ARNT: variants seen among roughly 807,000 people sequenced by gnomAD.
The protein encoded by ARNT is class E basic helix-loop-helix protein 2.
A neutral mutation model predicts 105.0 loss-of-function variants in ARNT; 30 were observed. The ratio of observed to expected loss-of-function variants is 0.29; its 90% CI spans 0.21 to 0.39. ARNT has a LOEUF of 0.39. Among genes scored for constraint, ARNT ranks in the 10% least tolerant of loss-of-function variants. The pLI is 1.00. For synonymous variants in ARNT, 304 were observed against 344.0 expected (o/e 0.88, Z 1.29); for missense variants, 748 against 978.7 (o/e 0.76, Z 3.15).
chr1:150,832,697 G>T (rs1190911311), intron 8 of ARNT, among the ~76,000 whole-genome samples: 1 of 152,268 alleles, frequency 6.6e-6, no homozygotes, highest in Admixed American at 6.5e-5. Context: ...AAAGTCTGTT[G>T]CAACTAGTCA....
intron 3 of ARNT, among the ~76,000 whole-genome samples, chr1:150,851,125 C>T (rs888772750): frequency 6.6e-6 from 1 of 151,456 alleles, no homozygotes; most frequent in African/African-American, 2.4e-5. Context: ...GCATCTCCGC[C>T]CGGCAGCCGC....
At position 150,829,213 on chromosome 1, in the gene ARNT, G is replaced by T; in HGVS notation, c.1047C>A (p.Pro349=). The T allele has an allele frequency of 6.2e-7, 1 of 1,613,674 alleles. No individual in the cohort carries two copies. The stretch of plus-strand genomic sequence containing the variant: ...AAACATTACTCATGTCTGTACAGTT[G>T]GGAGAACTAGTTACCTGAGAGTGAA... ...AIGRLQVTSS[P]NCTDMSNVCQ... is the part of the protein sequence containing the mutation. The change falls in exon 12 of 22, where the codon CCC becomes CCA. Residue 349 remains proline (P), a synonymous_variant. Coordinates refer to ENST00000358595, the MANE Select transcript of ARNT (RefSeq NM_001668.4).
In ARNT at chr1:150,821,434, C is replaced by T. The variant is rs1657037604; in HGVS notation, c.1394+1760G>A. 7.2e-5 allele frequency among the ~76,000 whole-genome samples: 11 copies of T among 152,216 alleles called. No homozygotes were observed. In the South Asian group the frequency reaches 1.9e-3, roughly 26 times the overall value. On this transcript the variant is annotated intron_variant, in intron 14 of 21. Coordinates refer to ENST00000358595, the MANE Select transcript of ARNT (RefSeq NM_001668.4). ...ATGCAATTTACTGGAGTGAATTGCTCATGAAGAGATGATTAGCATCACACA... is the reference window on the plus strand; with the variant it reads ...ATGCAATTTACTGGAGTGAATTGCTTATGAAGAGATGATTAGCATCACACA...
chr1:150,876,522 C>T (rs1349673006), intron 1 of ARNT, 21 bp downstream of exon 1: 5 of 1,550,828 alleles, frequency 3.2e-6, no homozygotes, highest in Non-Finnish European at 4.4e-6. Context: ...TTAGAGGCGC[C>T]CCAGTCCTCC....
chr1:150,834,758 A>AT (rs1659992510), intron 7 of ARNT, 118 bp from the exon 8 acceptor site: 2 of 798,758 alleles, frequency 2.5e-6, no homozygotes, highest in East Asian at 5.1e-5. Flanking sequence ...CTCCTTGCTT[A>AT]TAACAGAACT....
At chr1:150,860,377 G>A (rs1482703960) in intron 1 of ARNT, among the ~76,000 whole-genome samples, 2 of 151,064 alleles carry the variant, frequency 1.3e-5, no homozygotes, top group East Asian at 2.0e-4. Context: ...CACCACGCCT[G>A]GCTAATTTTT....
In ARNT at chr1:150,814,199, T is replaced by C; in HGVS notation, c.1991A>G (p.Gln664Arg). The change falls in exon 20 of 22, where the codon CAG (glutamine) becomes CGG (arginine). Residue 664 changes from glutamine to arginine, a missense_variant. Physicochemically the swap from Gln to Arg is conservative, Grantham distance 43. Transcript: ENST00000358595. ...AGTCTGAAAGCTGCCCACACCAAAC[T>C]GGGAAGTACGAGTCTTAGCAGTAGC... ...TQATAKTRTS[Q>R]FGVGSFQTPS... The C allele has an allele frequency of 3.1e-6, 5 of 1,613,988 alleles. No homozygotes were observed. The highest frequency in any genetic ancestry group is 4.2e-6 in the Non-Finnish European group (5 of 1,179,996).
At chr1:150,845,766 G>A (rs1284404118) in intron 4 of ARNT, among the ~76,000 whole-genome samples, 1 of 152,112 alleles carries the variant, frequency 6.6e-6, no homozygotes, top group African/African-American at 2.4e-5. Context: ...GCTGGGCGTG[G>A]TGGCAGGGGC....
chr1:150,842,561 G>T, intron 4 of ARNT, 93 bp from the exon 5 acceptor site: 1 of 1,008,440 alleles, frequency 9.9e-7, no homozygotes, highest in Admixed American at 2.1e-5. Flanking sequence ...AGGAGGGAGG[G>T]AGAGGAAATG....
At chr1:150,847,370 G>A (rs911157790) in intron 3 of ARNT, among the ~76,000 whole-genome samples, 1 of 135,838 alleles carries the variant, frequency 7.4e-6, no homozygotes, top group African/African-American at 2.8e-5. Context: ...GGCGGAGGTT[G>A]CAGTGAGCTG....
chr1:150,822,474 A>T (rs1657304483), intron 14 of ARNT, among the ~76,000 whole-genome samples: 1 of 152,150 alleles, frequency 6.6e-6, no homozygotes, highest in Non-Finnish European at 1.5e-5. Context: ...ACATAATGAA[A>T]TTTCCATTAA....
At chr1:150,848,978 C>A (rs190895669) in intron 3 of ARNT, among the ~76,000 whole-genome samples, 3 of 151,800 alleles carry the variant, frequency 2.0e-5, no homozygotes, top group Admixed American at 2.0e-4. Context: ...CCGAGGTGGG[C>A]GGATCACCTG....
At chr1:150,813,915 C>G (rs911471652) in intron 20 of ARNT, among the ~76,000 whole-genome samples, 162 bp downstream of exon 20, 1 of 152,142 alleles carries the variant, frequency 6.6e-6, no homozygotes, top group African/African-American at 2.4e-5. Context: ...CGTGAGCCAC[C>G]GCACCCAGCT....
In ARNT at chr1:150,876,563, G is replaced by A; in HGVS notation, c.5C>T (p.Ala2Val). Residue 2 changes from alanine (A) to valine (V), a missense_variant, in exon 1 of 22, where the codon GCG becomes GTG. By Grantham distance (64) the Ala-to-Val change is moderately conservative. Transcript: ENST00000358595. M[A>V]ATTANPEMTS... ...CTCACCGGGGTTGGCAGTAGTCGCC[G>A]CCATGGCCGCAGATGCCACCGCCGC... is the stretch of plus-strand genomic sequence containing the variant. The A allele has an allele frequency of 6.5e-7, 1 of 1,546,970 alleles. No homozygotes were observed. Among genetic ancestry groups the A allele is most frequent in the South Asian group, 1.2e-5 (1 of 83,958 alleles).
chr1:150,841,742 C>T (rs1661338178), intron 5 of ARNT, among the ~76,000 whole-genome samples: 1 of 152,202 alleles, frequency 6.6e-6, no homozygotes, highest in Admixed American at 6.5e-5. Flanking sequence ...AAGGGTCTCA[C>T]CACATAGGCC....
intron 6 of ARNT, among the ~76,000 whole-genome samples, chr1:150,837,577 C>T (rs2101923377): frequency 6.6e-6 from 1 of 152,032 alleles, no homozygotes; most frequent in South Asian, 2.1e-4. Flanking sequence ...TTTTTGCTTC[C>T]TCTTCTGTTT....
intron 4 of ARNT, 70 bp from the exon 5 acceptor site, chr1:150,842,538 A>C: frequency 1.5e-6 from 2 of 1,306,468 alleles, no homozygotes; most frequent in Non-Finnish European, 2.2e-6. Context: ...GGAGGGAGGA[A>C]GGGAAAAAAG....
intron 1 of ARNT, among the ~76,000 whole-genome samples, chr1:150,864,065 T>C (rs1283543475): frequency 6.6e-6 from 1 of 152,162 alleles, no homozygotes; most frequent in Non-Finnish European, 1.5e-5. Context: ...TGTAGCCTAT[T>C]ACTCCCAGTA....
At chr1:150,872,940 T>C (rs983920188) in intron 1 of ARNT, among the ~76,000 whole-genome samples, 2 of 151,438 alleles carry the variant, frequency 1.3e-5, no homozygotes, top group African/African-American at 4.9e-5. Flanking sequence ...CCAGCCTCAG[T>C]GACAGAGCAA....
Sources: gnomAD v4.1 joint callset for allele counts (sites outside exome capture counted in the v4.1 genomes callset) on GRCh38, gnomAD v4.1.1 for gene constraint, MANE v1.5 for transcripts, NCBI Gene and HGNC (gene_info 2026-07-23, HGNC 2026-07-21) for gene names.